ASTN2: variants seen among roughly 807,000 people sequenced by gnomAD.
ASTN2 encodes astrotactin-2.
In ASTN2, 54 loss-of-function variants were observed where a neutral mutation model predicts 139.8. The ratio of observed to expected loss-of-function variants is 0.39; its 90% CI spans 0.31 to 0.48. ASTN2 has a LOEUF of 0.48. Ranked by LOEUF, ASTN2 falls within the 20% of genes least tolerant of loss-of-function variation. ASTN2 has a pLI of 0.95. For missense variants in ASTN2, 1,565 were observed against 1,725.1 expected (o/e 0.91, Z 1.64); for synonymous variants, 756 against 719.5 (o/e 1.05, Z -0.81).
chr9:116,839,656 G>A (rs1440827944), intron 11 of ASTN2, among the ~76,000 whole-genome samples: 1 of 151,426 alleles, frequency 6.6e-6, no homozygotes, highest in Non-Finnish European at 1.5e-5. Flanking sequence ...GTGCCACACC[G>A]GTCTAATTTT....
At chr9:116,718,404 C>G (rs185639096) in intron 16 of ASTN2, among the ~76,000 whole-genome samples, 6 of 152,258 alleles carry the variant, frequency 3.9e-5, no homozygotes, top group Admixed American at 6.5e-5. Flanking sequence ...ATTATCCTCA[C>G]GGCAGTGACA....
At chr9:116,856,057 G>T (rs1230108013) in intron 11 of ASTN2, among the ~76,000 whole-genome samples, 1 of 152,082 alleles carries the variant, frequency 6.6e-6, no homozygotes, top group African/African-American at 2.4e-5. Flanking sequence ...AGACACCATG[G>T]GGGCGATATG....
intron 19 of ASTN2, among the ~76,000 whole-genome samples, chr9:116,534,280 C>G (rs1306113978): frequency 6.6e-6 from 1 of 152,096 alleles, no homozygotes; most frequent in East Asian, 1.9e-4. Flanking sequence ...TGCTAGTGGT[C>G]TATCAATTTT....
chr9:117,083,798 C>T (rs1025572282), intron 5 of ASTN2, among the ~76,000 whole-genome samples: 2 of 152,104 alleles, frequency 1.3e-5, no homozygotes, highest in Admixed American at 1.3e-4. Flanking sequence ...CCATTTGATT[C>T]CTGACAGCCA....
chr9:116,972,366 T>G (rs1214477817), intron 10 of ASTN2, among the ~76,000 whole-genome samples: 3 of 152,216 alleles, frequency 2.0e-5, no homozygotes, highest in Admixed American at 2.0e-4. Context: ...TATTCCATAA[T>G]TTATTTATCT....
intron 5 of ASTN2, among the ~76,000 whole-genome samples, chr9:117,066,152 A>G (rs1418539993): frequency 7.7e-6 from 1 of 129,214 alleles, no homozygotes; most frequent in Non-Finnish European, 1.6e-5. Context: ...ATATCTCCCA[A>G]TGCTATCCCT....
chr9:116,899,267 A>G (rs1015242395), intron 10 of ASTN2, among the ~76,000 whole-genome samples: 6 of 152,150 alleles, frequency 3.9e-5, no homozygotes, highest in Non-Finnish European at 8.8e-5. Context: ...CTGGAGTTAA[A>G]TCCAATCAGG....
chr9:116,567,928 A>C (rs1853317328), intron 19 of ASTN2, among the ~76,000 whole-genome samples: 2 of 152,292 alleles, frequency 1.3e-5, no homozygotes, highest in African/African-American at 4.8e-5. Context: ...TGCCTTTAAT[A>C]ATAACCATAA....
chr9:116,842,503 CT>C (rs912864511), intron 11 of ASTN2, among the ~76,000 whole-genome samples: 4 of 151,638 alleles, frequency 2.6e-5, no homozygotes, highest in Admixed American at 2.6e-4. Flanking sequence ...CTCTGGTGTG[CT>C]TCCTGGCATA....
chr9:116,796,697 T>C (rs1030172433), intron 13 of ASTN2, among the ~76,000 whole-genome samples: 14 of 152,168 alleles, frequency 9.2e-5, no homozygotes, highest in African/African-American at 3.1e-4. Context: ...GCACAAAGTT[T>C]TGGGAACAGT....
chr9:117,161,773 G>C (rs1309454358), intron 3 of ASTN2, among the ~76,000 whole-genome samples: 1 of 152,026 alleles, frequency 6.6e-6, no homozygotes, highest in Admixed American at 6.6e-5. Flanking sequence ...ATTCTGGCAA[G>C]GGGAAACAAA....
chr9:116,595,940 A>G (rs1207313387), intron 19 of ASTN2, among the ~76,000 whole-genome samples: 2 of 152,200 alleles, frequency 1.3e-5, no homozygotes, highest in African/African-American at 4.8e-5. Flanking sequence ...TATATCCAAA[A>G]TAATTGAAAT....
intron 11 of ASTN2, among the ~76,000 whole-genome samples, chr9:116,825,716 G>T (rs552795083): frequency 7.9e-5 from 12 of 152,320 alleles, no homozygotes; most frequent in African/African-American, 2.9e-4. Context: ...CCAAAATGGG[G>T]TTTTACACCT....
intron 3 of ASTN2, among the ~76,000 whole-genome samples, chr9:117,199,961 T>A (rs879855353): frequency 9.2e-5 from 14 of 152,096 alleles, no homozygotes; most frequent in Admixed American, 3.9e-4. Context: ...TGTAAAGGAA[T>A]GCTTGTGATT....
chr9:116,808,619 C>T (rs918895999), intron 12 of ASTN2, among the ~76,000 whole-genome samples: 1 of 152,126 alleles, frequency 6.6e-6, no homozygotes, highest in Non-Finnish European at 1.5e-5. Flanking sequence ...ACAAACAATG[C>T]CATAATGAAG....
At chr9:117,030,546 G>A (rs1838217947) in intron 6 of ASTN2, among the ~76,000 whole-genome samples, 1 of 152,140 alleles carries the variant, frequency 6.6e-6, no homozygotes, top group South Asian at 2.1e-4. Flanking sequence ...AGCACAGAGT[G>A]TCATTAAAAA....
intron 3 of ASTN2, among the ~76,000 whole-genome samples, chr9:117,170,338 G>T (rs1377015175): frequency 6.6e-6 from 1 of 151,886 alleles, no homozygotes. Context: ...GACCTCAGTT[G>T]CAATCTTCTT....
chr9:117,406,733 G>A (rs140511812), intron 1 of ASTN2, among the ~76,000 whole-genome samples: 81 of 151,782 alleles, frequency 5.3e-4, no homozygotes, highest in African/African-American at 1.7e-3. Context: ...ATTAAAACCC[G>A]TCTCCTTATC....
At chr9:116,720,626 C>A (rs1434445052) in intron 16 of ASTN2, among the ~76,000 whole-genome samples, 1 of 150,414 alleles carries the variant, frequency 6.6e-6, no homozygotes, top group African/African-American at 2.5e-5. Context: ...GTCCCTCCCT[C>A]TCTCTCACAC....
Sources: allele counts gnomAD v4.1 joint callset (sites outside exome capture counted in the v4.1 genomes callset), GRCh38; gene constraint gnomAD v4.1.1; transcripts MANE v1.5; gene names NCBI Gene and HGNC (gene_info 2026-07-23, HGNC 2026-07-21).